The following PREX2 variants were observed in gnomAD, a reference collection of about 807,000 sequenced individuals.
PREX2 encodes the protein phosphatidylinositol-3,4,5-trisphosphate dependent Rac exchange factor 2, also known as phosphatidylinositol 3,4,5-trisphosphate-dependent Rac exchanger 2 protein.
PREX2 carries 107 observed loss-of-function variants against 203.2 expected under a neutral mutation model. That is an observed-to-expected ratio of 0.53 (90% CI 0.45 to 0.62). PREX2 has a LOEUF of 0.62. Among genes scored for constraint, PREX2 ranks in the 20% least tolerant of loss-of-function variants. The pLI, the probability that PREX2 is intolerant of heterozygous loss-of-function variation, is 0.00. For missense variants in PREX2, 1,777 were observed against 1,955.9 expected (o/e 0.91, Z 1.72); for synonymous variants, 672 against 663.6 (o/e 1.01, Z -0.19).
intron 1 of PREX2, among the ~76,000 whole-genome samples, chr8:67,972,597 C>T (rs1010175672): frequency 6.6e-6 from 1 of 152,186 alleles, no homozygotes; most frequent in Non-Finnish European, 1.5e-5. Flanking sequence ...TTTTGAGCTC[C>T]CTTCACTTCC....
At chr8:68,092,609 T>C (rs2196235) in intron 20 of PREX2, among the ~76,000 whole-genome samples, 23,423 of 152,126 alleles carry the variant, frequency 0.15, 1,818 homozygotes, top group East Asian at 0.28. Context: ...AAAAATAGGA[T>C]GTTTTTTATT....
At chr8:67,986,086 G>A (rs187500425) in intron 1 of PREX2, among the ~76,000 whole-genome samples, 124 of 152,236 alleles carry the variant, frequency 8.1e-4, no homozygotes, top group African/African-American at 2.6e-3. Flanking sequence ...GTTGGTTTTC[G>A]TAATCTTTCT....
intron 22 of PREX2, among the ~76,000 whole-genome samples, chr8:68,097,419 G>T (rs919693827): frequency 2.6e-5 from 4 of 151,940 alleles, no homozygotes; most frequent in Admixed American, 2.6e-4. Context: ...CTGCCTCCCG[G>T]GTTCAAGCAA....
chr8:68,172,566 G>T (rs1811901307), intron 35 of PREX2, among the ~76,000 whole-genome samples: 1 of 152,176 alleles, frequency 6.6e-6, no homozygotes, highest in Non-Finnish European at 1.5e-5. Flanking sequence ...AGTACAAGAA[G>T]ATAATCAATC....
At chr8:68,148,953 A>G (rs563333298) in intron 34 of PREX2, among the ~76,000 whole-genome samples, 1 of 152,354 alleles carries the variant, frequency 6.6e-6, no homozygotes, top group African/African-American at 2.4e-5. Flanking sequence ...AGTAGAGATT[A>G]CCATCTGGTA....
intron 39 of PREX2, among the ~76,000 whole-genome samples, chr8:68,226,995 AG>A (rs139130582): frequency 0.022 from 3,423 of 152,348 alleles, 142 homozygotes; most frequent in African/African-American, 0.078. Context: ...ATGTGATTCA[AG>A]TATGATGTGA....
chr8:67,986,519 A>T (rs570442216), intron 1 of PREX2, among the ~76,000 whole-genome samples: 2 of 152,324 alleles, frequency 1.3e-5, no homozygotes, highest in African/African-American at 4.8e-5. Flanking sequence ...TGCTTGCTAC[A>T]TGTAGACATC....
At chr8:67,995,865 T>C (rs1806749115) in intron 1 of PREX2, among the ~76,000 whole-genome samples, 1 of 152,172 alleles carries the variant, frequency 6.6e-6, no homozygotes, top group African/African-American at 2.4e-5. Flanking sequence ...GATAGTTGGG[T>C]CATATGGCAA....
chr8:68,036,894 C>A (rs558259299), intron 6 of PREX2, among the ~76,000 whole-genome samples: 26 of 152,086 alleles, frequency 1.7e-4, no homozygotes, highest in African/African-American at 6.0e-4. Flanking sequence ...GAGCCAATAT[C>A]GTGCCATTGC....
chr8:68,169,446 A>G (rs978012681), intron 35 of PREX2, among the ~76,000 whole-genome samples: 5 of 152,094 alleles, frequency 3.3e-5, no homozygotes, highest in African/African-American at 1.2e-4. Context: ...GACGTGGAAC[A>G]GGCACGCTGT....
rs976524303 is a variant in PREX2, at chr8:67,952,653, A to G, written c.141+118A>G. 8 of 1,404,130 alleles carry G rather than the reference A, an allele frequency of 5.7e-6. No homozygotes were observed. The African/African-American group carries it at 7.2e-5, about 13-fold the overall frequency. 87.0% of individuals were successfully genotyped at this position (1,404,130 alleles called of 1,614,324 possible). On this transcript the variant is annotated intron_variant, in intron 1 of 39. Transcript: ENST00000288368. ...GCGGGGACCCGGGACGGGTCGGGGC[A>G]TCACAGGCGCGGGAATCCACGTGTG...
intron 1 of PREX2, among the ~76,000 whole-genome samples, chr8:67,991,470 A>G (rs1273827911): frequency 2.6e-5 from 4 of 152,208 alleles, no homozygotes; most frequent in South Asian, 2.1e-4. Flanking sequence ...GAAACTTACA[A>G]TCATGGCGGA....
At chr8:67,984,473 A>G (rs1368582030) in intron 1 of PREX2, among the ~76,000 whole-genome samples, 1 of 152,240 alleles carries the variant, frequency 6.6e-6, no homozygotes, top group Non-Finnish European at 1.5e-5. Flanking sequence ...GCATACATAC[A>G]TGCATGTGTA....
chr8:67,977,878 C>T (rs925513709), intron 1 of PREX2, among the ~76,000 whole-genome samples: 2 of 152,162 alleles, frequency 1.3e-5, no homozygotes, highest in African/African-American at 4.8e-5. Flanking sequence ...CTCGCACAAA[C>T]CTGCCCTATG....
chr8:67,974,422 C>T (rs1469118770), intron 1 of PREX2, among the ~76,000 whole-genome samples: 1 of 115,174 alleles, frequency 8.7e-6, no homozygotes, highest in Non-Finnish European at 1.9e-5. Context: ...GATGAACATT[C>T]TTCATGTTCT....
At chr8:68,069,990 C>G in intron 13 of PREX2, 106 bp downstream of exon 13, 2 of 559,442 alleles carry the variant, frequency 3.6e-6, no homozygotes, top group Non-Finnish European at 6.3e-6. Context: ...TGTTTTTTTT[C>G]ACTTTACTTT....
In PREX2 at chr8:68,027,278, A is replaced by G; in HGVS notation, c.498A>G (p.Leu166=). The change falls in exon 5 of 40, where the codon TTA becomes TTG. Residue 166 remains leucine, a synonymous_variant. Transcript: ENST00000288368. Reference sequence around the variant, plus strand: ...CAGATGTTCCCTTGGAAGGATATTTAGTAACACCAATACAAAGAATATGCA... The same window carrying G: ...CAGATGTTCCCTTGGAAGGATATTTGGTAACACCAATACAAAGAATATGCA... The part of the protein sequence containing the change: ...KNTDVPLEGY[L]VTPIQRICKY... 6.2e-7 allele frequency: 1 copy of G among 1,612,048 alleles called. No individual in the cohort carries two copies.
chr8:68,080,502 G>A lies in PREX2; in HGVS notation c.1702G>A (p.Glu568Lys), dbSNP rs200411060. The part of the protein sequence containing the change: ...PLLFRFFSDE[E>K]MEGSNMKHRL... ...ACTTTTCCGTTTTTTTTCGGATGAG[G>A]AAATGGAGGGATCAAATATGAAACA... Residue 568 changes from glutamate (E) to lysine (K), a missense_variant, in exon 16 of 40, where the codon GAA becomes AAA. Transcript: ENST00000288368. 1 of 1,612,528 alleles carries A rather than the reference G, an allele frequency of 6.2e-7. No individual in the cohort carries two copies. The highest frequency in any genetic ancestry group is 8.5e-7 in the Non-Finnish European group (1 of 1,179,096).
At position 68,231,350 on chromosome 8, in the gene PREX2, A is replaced by G; in HGVS notation, c.4793A>G (p.Glu1598Gly). 6.2e-7 allele frequency: 1 copy of G among 1,602,532 alleles called. No homozygotes were observed. Among genetic ancestry groups the G allele is most frequent in the South Asian group, 1.1e-5 (1 of 88,538 alleles). Residue 1598 changes from glutamate (E) to glycine (G), a missense_variant, in exon 40 of 40, where the codon GAG (glutamate) becomes GGG (glycine). Transcript: ENST00000288368. ...QSAPRLYKLC[E>G]PPPPAGEE is the part of the protein sequence containing the mutation. ...TTTTCTAGGCTGTACAAGCTGTGCG[A>G]GCCACCTCCCCCAGCTGGAGAAGAA...
Sources: gnomAD v4.1 joint callset for allele counts (sites outside exome capture counted in the v4.1 genomes callset) on GRCh38, gnomAD v4.1.1 for gene constraint, MANE v1.5 for transcripts, NCBI Gene and HGNC (gene_info 2026-07-23, HGNC 2026-07-21) for gene names.